SAMMSON: variants seen among roughly 807,000 people sequenced by gnomAD.
The protein encoded by SAMMSON is long intergenic non-protein coding RNA 1212.
chr3:70,298,181 G>A (rs1702309396), intron 7 of SAMMSON, among the ~76,000 whole-genome samples: 1 of 151,964 alleles, frequency 6.6e-6, no homozygotes, highest in Non-Finnish European at 1.5e-5. Context: ...AGGTTTGCAG[G>A]TTTTTGATCT....
chr3:70,322,538 AGGAG>A (rs1702545373), intron 7 of SAMMSON, among the ~76,000 whole-genome samples: 1 of 152,114 alleles, frequency 6.6e-6, no homozygotes, highest in African/African-American at 2.4e-5. Context: ...TTTGTAACCC[AGGAG>A]GGAAAGAAAA....
chr3:70,287,779 A>C (rs887370619), intron 6 of SAMMSON, among the ~76,000 whole-genome samples: 1 of 151,100 alleles, frequency 6.6e-6, no homozygotes, highest in Non-Finnish European at 1.5e-5. Flanking sequence ...TTCCTGGTTT[A>C]GTCTTGGGAG....
At chr3:70,235,453 A>G (rs534422903) in intron 4 of SAMMSON, among the ~76,000 whole-genome samples, 2 of 152,328 alleles carry the variant, frequency 1.3e-5, no homozygotes, top group South Asian at 4.1e-4. Flanking sequence ...TCATGTGATA[A>G]TACATGCTAG....
At chr3:70,352,130 T>G (rs1357118844) in intron 7 of SAMMSON, among the ~76,000 whole-genome samples, 1 of 146,074 alleles carries the variant, frequency 6.8e-6, no homozygotes. Context: ...AAAAAAATGA[T>G]GAACCTATAC....
chr3:70,163,361 A>T (rs1434413943), intron 4 of SAMMSON, among the ~76,000 whole-genome samples: 2 of 147,400 alleles, frequency 1.4e-5, no homozygotes, highest in Non-Finnish European at 3.0e-5. Flanking sequence ...ATATAGAGAG[A>T]GAGAGAGAGA....
intron 3 of SAMMSON, among the ~76,000 whole-genome samples, chr3:70,061,241 C>T (rs905260797): frequency 6.6e-6 from 1 of 152,016 alleles, no homozygotes; most frequent in African/African-American, 2.4e-5. Context: ...GACAGGACCT[C>T]CAGTTGGGAC....
chr3:70,315,039 A>C (rs981543938), intron 7 of SAMMSON, among the ~76,000 whole-genome samples: 2 of 152,190 alleles, frequency 1.3e-5, no homozygotes, highest in Admixed American at 6.6e-5. Flanking sequence ...TTGACTTATA[A>C]ATGCTTTCCA....
intron 2 of SAMMSON, among the ~76,000 whole-genome samples, chr3:70,399,416 A>T (rs2106761907): frequency 6.6e-6 from 1 of 152,346 alleles, no homozygotes; most frequent in Non-Finnish European, 1.5e-5. Context: ...ATACAATGCC[A>T]GTGGACATGA....
chr3:70,011,527 A>G (rs2066955591), intron 1 of SAMMSON, among the ~76,000 whole-genome samples: 1 of 151,850 alleles, frequency 6.6e-6, no homozygotes, highest in Non-Finnish European at 1.5e-5. Flanking sequence ...TTGACCCCTG[A>G]GTGCTTTCAT....
At chr3:70,184,579 A>G (rs144901648) in intron 4 of SAMMSON, among the ~76,000 whole-genome samples, 2 of 152,164 alleles carry the variant, frequency 1.3e-5, no homozygotes, top group Non-Finnish European at 2.9e-5. Flanking sequence ...TTGGTTTCTT[A>G]TATGTTTGTT....
intron 4 of SAMMSON, among the ~76,000 whole-genome samples, chr3:70,160,215 A>T (rs577842590): frequency 2.8e-5 from 4 of 145,048 alleles, no homozygotes; most frequent in African/African-American, 1.0e-4. Context: ...AAAAAAAAAA[A>T]CCTTGCCTAA....
intron 4 of SAMMSON, among the ~76,000 whole-genome samples, chr3:70,159,953 T>C (rs2067608312): frequency 6.6e-6 from 1 of 152,156 alleles, no homozygotes; most frequent in Non-Finnish European, 1.5e-5. Context: ...TAAAGAGCTT[T>C]ACAAGTGCTT....
chr3:70,430,034 T>A (rs868309921), intron 2 of SAMMSON, among the ~76,000 whole-genome samples: 2 of 152,210 alleles, frequency 1.3e-5, no homozygotes, highest in Non-Finnish European at 2.9e-5. Context: ...AGGGCATCCT[T>A]GTCTTGTGCC....
chr3:70,420,632 T>G (rs1297923028), intron 2 of SAMMSON, among the ~76,000 whole-genome samples: 1 of 152,112 alleles, frequency 6.6e-6, no homozygotes, highest in Admixed American at 6.5e-5. Flanking sequence ...TGCTTGGGCT[T>G]TTTATTTTGA....
chr3:70,171,713 T>C (rs1040772938), intron 4 of SAMMSON, among the ~76,000 whole-genome samples: 3 of 151,920 alleles, frequency 2.0e-5, no homozygotes, highest in African/African-American at 7.2e-5. Flanking sequence ...TCACTTCGTG[T>C]GTTTTGGAAT....
At chr3:70,279,940 T>A (rs1702064546) in intron 6 of SAMMSON, among the ~76,000 whole-genome samples, 1 of 152,164 alleles carries the variant, frequency 6.6e-6, no homozygotes, top group Non-Finnish European at 1.5e-5. Flanking sequence ...CTGTCTTTGC[T>A]CCATTACTGT....
intron 7 of SAMMSON, among the ~76,000 whole-genome samples, chr3:70,346,988 C>T (rs1702756643): frequency 6.6e-6 from 1 of 152,096 alleles, no homozygotes; most frequent in African/African-American, 2.4e-5. Context: ...GCGCTGATTA[C>T]CCACTGATGA....
chr3:70,036,531 A>G (rs972189421), intron 3 of SAMMSON, among the ~76,000 whole-genome samples: 8 of 152,170 alleles, frequency 5.3e-5, no homozygotes, highest in Admixed American at 2.6e-4. Flanking sequence ...ATTCTGACCA[A>G]TGAAAGTTGG....
At chr3:70,193,760 A>C (rs1176639948) in intron 4 of SAMMSON, among the ~76,000 whole-genome samples, 1 of 152,216 alleles carries the variant, frequency 6.6e-6, no homozygotes. Context: ...ACTTTACTTA[A>C]GTTTACATAT....
Sources: gnomAD v4.1 joint callset for allele counts (sites outside exome capture counted in the v4.1 genomes callset) on GRCh38, gnomAD v4.1.1 for gene constraint, MANE v1.5 for transcripts, NCBI Gene and HGNC (gene_info 2026-07-23, HGNC 2026-07-21) for gene names.